The following PLAGL1 variants were observed in gnomAD, a reference collection of about 807,000 sequenced individuals.
PLAGL1 encodes zinc finger protein PLAGL1.
PLAGL1 carries 1 observed loss-of-function variant against 4.6 expected under a neutral mutation model. The observed-to-expected ratio is 0.22, with a 90% CI of 0.08 to 1.03. PLAGL1 has a LOEUF of 1.03. Ranked by LOEUF, PLAGL1 falls within the 50% of genes least tolerant of loss-of-function variation. The pLI is 0.58. For missense variants in PLAGL1, 464 were observed against 570.4 expected (o/e 0.81, Z 1.90); for synonymous variants, 240 against 237.8 (o/e 1.01, Z -0.08).
rs536773163 is a variant in PLAGL1, at chr6:143,995,908, A to C, written c.-583-10734T>G. ...CTATATTAATGGTGGCCAGCCATAA[A>C]GTTAAAGCAAAGAGAAGAACTGAAA... On this transcript the variant is annotated intron_variant, in intron 1 of 7. Transcript: ENST00000674357. This position sits in a 1 kb window ranked among gnomAD's most constrained non-coding sequence, Gnocchi z 4.4. Among the ~76,000 whole-genome samples the C allele has an allele frequency of 6.6e-6, 1 of 152,326 alleles. No individual in the cohort carries two copies. The highest frequency in any genetic ancestry group is 2.1e-4 in the South Asian group (1 of 4,824).
Position 143,965,081 on chromosome 6 carries a change from A to T in PLAGL1, c.-430-263T>A, listed in dbSNP as rs189898344. On this transcript the variant is annotated intron_variant, in intron 4 of 7. Transcript: ENST00000674357. The surrounding 1 kb of genome is among the most constrained non-coding windows in gnomAD (Gnocchi z 7.5). ...AAATGATTGCATGCTGGAAACTGAG[A>T]TGCTTTAGGGGAGAGAAGATCCTAA... 4 of 152,300 alleles carry T rather than the reference A, an allele frequency of 2.6e-5. 1 individual carries two copies. The highest frequency in any genetic ancestry group is 6.8e-3 in the Middle Eastern group (2 of 296). The allele number at this position is 152,300 out of a possible 1,614,324, so 9.4% of individuals were successfully genotyped here. A position where few individuals can be genotyped will look rare whatever the true frequency, so the allele number is the denominator to read the frequency against.
rs563332014 is a variant in PLAGL1, at chr6:144,048,283, G to A, written c.-151+16185C>T. Among the ~76,000 whole-genome samples the A allele has an allele frequency of 6.6e-6, 1 of 152,264 alleles. No homozygotes were observed. The highest frequency in any genetic ancestry group is 1.9e-4 in the East Asian group (1 of 5,174). On this transcript the variant is annotated intron_variant, in intron 1 of 3. Transcript: ENST00000437412. This position sits in a 1 kb window ranked among gnomAD's most constrained non-coding sequence, Gnocchi z 4.8. The stretch of plus-strand genomic sequence containing the variant: ...ACAGTGCAAGCTGTCAGTGGATCTA[G>A]CATTCTGGGATCTGGAGGACAGTGG...
intron 2 of PLAGL1, among the ~76,000 whole-genome samples, chr6:143,969,728 G>A (rs941538608): frequency 3.9e-5 from 6 of 151,930 alleles, no homozygotes; most frequent in African/African-American, 1.5e-4. Context: ...GCAGGGATGA[G>A]GGTGAAGAGG....
intron 1 of PLAGL1, among the ~76,000 whole-genome samples, chr6:144,062,470 C>CAAAAAAAAAAAAAAAAAAAAAAA (rs543521128): frequency 1.3e-5 from 1 of 75,700 alleles, no homozygotes; most frequent in East Asian, 4.3e-4. Context: ...GTTATCAGAC[C>CAAAAAAAAAAAAAAAAAAAAAAA]AAAAAAAAAA....
At chr6:143,974,979 A>G (rs1329482948) in intron 2 of PLAGL1, among the ~76,000 whole-genome samples, 1 of 152,240 alleles carries the variant, frequency 6.6e-6, no homozygotes, top group Non-Finnish European at 1.5e-5. Flanking sequence ...CATTTACAAA[A>G]CACTGAGAAA....
At chr6:144,026,579 A>G (rs1009250677) in intron 1 of PLAGL1, among the ~76,000 whole-genome samples, 1 of 152,244 alleles carries the variant, frequency 6.6e-6, no homozygotes, top group African/African-American at 2.4e-5. Context: ...CTGTACAAAT[A>G]GCCTAAAAAA....
chr6:143,986,937 G>A (rs922327324), intron 1 of PLAGL1, among the ~76,000 whole-genome samples: 4 of 152,112 alleles, frequency 2.6e-5, no homozygotes, highest in Non-Finnish European at 4.4e-5. Context: ...TTTGGTGTGC[G>A]TATAACCAAG....
rs911700699 is a variant in PLAGL1, at chr6:144,005,231, A to G, written c.-584+2859T>C. 3.9e-5 allele frequency: 6 copies of G among 152,176 alleles called. No individual in the cohort carries two copies. Among genetic ancestry groups the G allele is most frequent in the Admixed American group, 3.9e-4 (6 of 15,284 alleles). The allele number at this position is 152,176 out of a possible 1,614,324, so 9.4% of individuals were successfully genotyped here. The stretch of plus-strand genomic sequence containing the variant: ...TAACTCACAAAACCTTCCACATTGG[A>G]ACTAGACTACTTTCTACAAATCTCT... On this transcript the variant is annotated intron_variant, in intron 1 of 7. Coordinates refer to ENST00000674357, the MANE Select transcript of PLAGL1 (RefSeq NM_001317162.2). This position sits in a 1 kb window ranked among gnomAD's most constrained non-coding sequence, Gnocchi z 4.6.
At chr6:144,037,296 G>A (rs1434717256) in intron 1 of PLAGL1, 1 of 156,548 alleles carries the variant, frequency 6.4e-6, no homozygotes, top group Non-Finnish European at 1.4e-5. Flanking sequence ...TGCAGTTTTA[G>A]GCCAGGCACA....
chr6:144,025,659 G>A (rs538905067), intron 1 of PLAGL1, among the ~76,000 whole-genome samples: 1 of 152,284 alleles, frequency 6.6e-6, no homozygotes, highest in Admixed American at 6.5e-5. Flanking sequence ...GGAGGCTGAG[G>A]CGGGTAGATA....
chr6:143,962,182 C>G lies in PLAGL1; in HGVS notation c.-398-1640G>C, dbSNP rs1783516544. Among the ~76,000 whole-genome samples, 1 of 152,104 alleles carries G rather than the reference C, an allele frequency of 6.6e-6. No individual in the cohort carries two copies. Among genetic ancestry groups the G allele is most frequent in the Non-Finnish European group, 1.5e-5 (1 of 68,030 alleles). On this transcript the variant is annotated intron_variant, in intron 5 of 7. Transcript: ENST00000674357. The surrounding 1 kb of genome is among the most constrained non-coding windows in gnomAD (Gnocchi z 5.3). The stretch of plus-strand genomic sequence containing the variant: ...ACAGAGAGCCCAAGGCAGGCCTGGT[C>G]TGGGGGGAAAATCATGTGCAGTATA...
At position 143,989,501 on chromosome 6, in the gene PLAGL1, C is replaced by T. The variant is rs1244163265; in HGVS notation, c.-583-4327G>A. ...ATTCACCCCCTTTTCTTCCTGCCTG[C>T]CTGAGCTGGGACATCAGTCTCCTCC... On this transcript the variant is annotated intron_variant, in intron 1 of 7. Coordinates refer to ENST00000674357, the MANE Select transcript of PLAGL1 (RefSeq NM_001317162.2). The surrounding 1 kb of genome is among the most constrained non-coding windows in gnomAD (Gnocchi z 4.8). Among the ~76,000 whole-genome samples the T allele has an allele frequency of 1.3e-5, 2 of 152,166 alleles. No homozygotes were observed. The highest frequency in any genetic ancestry group is 4.8e-5 in the African/African-American group (2 of 41,436).
At position 143,960,237 on chromosome 6, in the gene PLAGL1, C is replaced by G. The variant is rs1335807406; in HGVS notation, c.-325+232G>C. ...GGACAGCAGAGGTCATGAAAAGTTG[C>G]TAACTGCATCATCCAATTCCCTGAA... On this transcript the variant is annotated intron_variant, in intron 6 of 7. Coordinates refer to ENST00000674357, the MANE Select transcript of PLAGL1 (RefSeq NM_001317162.2). This position sits in a 1 kb window ranked among gnomAD's most constrained non-coding sequence, Gnocchi z 5.7. 6.6e-6 allele frequency among the ~76,000 whole-genome samples: 1 copy of G among 152,176 alleles called. No individual in the cohort carries two copies. The highest frequency in any genetic ancestry group is 1.5e-5 in the Non-Finnish European group (1 of 68,036).
chr6:144,024,071 C>T (rs1796167288), intron 1 of PLAGL1, among the ~76,000 whole-genome samples: 1 of 152,176 alleles, frequency 6.6e-6, no homozygotes, highest in Admixed American at 6.5e-5. Flanking sequence ...GCCACTGCAC[C>T]TGACCAGCTT....
chr6:143,998,363 T>C (rs1289258203), intron 1 of PLAGL1, among the ~76,000 whole-genome samples: 3 of 152,350 alleles, frequency 2.0e-5, no homozygotes, highest in African/African-American at 4.8e-5. Context: ...AAGGGCAGTA[T>C]GGCATAGAAG....
rs1375099719 is a variant in PLAGL1 at position 144,016,341 on chromosome 6, G to T, written c.-150-47363C>A. ...CTCTCCTTTTCACATTTTTCTGCCT[G>T]CCTTACATTCGCTGGCACCTGACTA... On this transcript the variant is annotated intron_variant, in intron 1 of 3. Coordinates refer to the PLAGL1 transcript ENST00000437412. This position sits in a 1 kb window ranked among gnomAD's most constrained non-coding sequence, Gnocchi z 4.2. 1.3e-5 allele frequency among the ~76,000 whole-genome samples: 2 copies of T among 152,128 alleles called. No homozygotes were observed. The highest frequency in any genetic ancestry group is 2.9e-5 in the Non-Finnish European group (2 of 68,032).
At position 143,941,781 on chromosome 6, in the gene PLAGL1, G is replaced by A; in HGVS notation, c.1035C>T (p.Leu345=). ...CCTTAGCCAGATCAAAACCTGGGTT[G>A]AGCTTTTGAGGTGACTGAGGCTCTT... ...PLQEPQSPQK[L]NPGFDLAKGN... is the part of the protein sequence containing the mutation. The change falls in exon 8 of 8, where the codon CTC becomes CTT. Residue 345 remains leucine (L), a synonymous_variant. Coordinates refer to ENST00000674357, the MANE Select transcript of PLAGL1 (RefSeq NM_001317162.2). The surrounding 1 kb of genome is among the most constrained non-coding windows in gnomAD (Gnocchi z 6.0). 6.2e-6 allele frequency: 10 copies of A among 1,614,246 alleles called. No homozygotes were observed. The highest frequency in any genetic ancestry group is 8.5e-6 in the Non-Finnish European group (10 of 1,180,040).
Position 144,048,197 on chromosome 6 carries a change from C to T in PLAGL1, c.-151+16271G>A, listed in dbSNP as rs541278656. Among the ~76,000 whole-genome samples the T allele has an allele frequency of 2.2e-4, 34 of 152,310 alleles. No individual in the cohort carries two copies. Among genetic ancestry groups the T allele is most frequent in the African/African-American group, 6.0e-4 (25 of 41,564 alleles). Reference sequence around the variant, plus strand: ...TCTGCCTCTGTGGCTTTGCAGGGTACGGCCTCCCTCTTGGCTGCTTTCATG... The same window carrying T: ...TCTGCCTCTGTGGCTTTGCAGGGTATGGCCTCCCTCTTGGCTGCTTTCATG... On this transcript the variant is annotated intron_variant, in intron 1 of 3. Coordinates refer to the PLAGL1 transcript ENST00000437412. This position sits in a 1 kb window ranked among gnomAD's most constrained non-coding sequence, Gnocchi z 4.8.
rs574170397 is a variant in PLAGL1, at chr6:144,004,074, A to C, written c.-584+4016T>G. Reference sequence around the variant, plus strand: ...GTAATACCGTAGAAGAGGTGTCAATAAATTTTTTTCTGTAAATGGCCACGT... The same window carrying C: ...GTAATACCGTAGAAGAGGTGTCAATCAATTTTTTTCTGTAAATGGCCACGT... On this transcript the variant is annotated intron_variant, in intron 1 of 7. Coordinates refer to ENST00000674357, the MANE Select transcript of PLAGL1 (RefSeq NM_001317162.2). This position sits in a 1 kb window ranked among gnomAD's most constrained non-coding sequence, Gnocchi z 4.2. Among the ~76,000 whole-genome samples, 8 of 152,226 alleles carry C rather than the reference A, an allele frequency of 5.3e-5. No homozygotes were observed. Among genetic ancestry groups the C allele is most frequent in the African/African-American group, 1.7e-4 (7 of 41,464 alleles).
Sources: allele counts gnomAD v4.1 joint callset (sites outside exome capture counted in the v4.1 genomes callset), GRCh38; gene constraint gnomAD v4.1.1; non-coding constraint Gnocchi (gnomAD v3.1); transcripts MANE v1.5; gene names NCBI Gene and HGNC (gene_info 2026-07-23, HGNC 2026-07-21).